The following NEK7 variants were observed in gnomAD, a reference collection of about 807,000 sequenced individuals.
NEK7 encodes NIMA related kinase 7, also known as serine/threonine-protein kinase Nek7.
A neutral mutation model predicts 44.6 loss-of-function variants in NEK7; 18 were observed. That is an observed-to-expected ratio of 0.40 (90% CI 0.28 to 0.60). The LOEUF is 0.60. Ranked by LOEUF, NEK7 falls within the 20% of genes least tolerant of loss-of-function variation. The probability of loss-of-function intolerance (pLI) is 0.38; values close to 1 mark genes in which losing one functional copy is unlikely to be tolerated. For missense variants in NEK7, 256 were observed against 366.5 expected (o/e 0.70, Z 2.46); for synonymous variants, 130 against 121.1 (o/e 1.07, Z -0.48).
chr1:198,220,207 G>A (rs577377736), intron 1 of NEK7, among the ~76,000 whole-genome samples: 3 of 151,986 alleles, frequency 2.0e-5, no homozygotes, highest in Admixed American at 6.5e-5. Context: ...AAATGTGGCC[G>A]ATGGGAACCC....
intron 1 of NEK7, among the ~76,000 whole-genome samples, chr1:198,157,601 C>G (rs908977428): frequency 6.6e-6 from 1 of 152,258 alleles, no homozygotes; most frequent in Non-Finnish European, 1.5e-5. Context: ...GGTTTCGGGA[C>G]CCGAGGAACT....
intron 4 of NEK7, 122 bp from the exon 5 acceptor site, chr1:198,264,003 G>C (rs575353950): frequency 4.1e-6 from 4 of 978,712 alleles, no homozygotes; most frequent in Admixed American, 7.8e-5. Flanking sequence ...AAAGTATACT[G>C]TCATGTTAAG....
rs540464907 is a variant in NEK7 at position 198,320,181 on chromosome 1, G to T, written c.*659G>T. The T allele has an allele frequency of 1.1e-4, 16 of 152,136 alleles. No homozygotes were observed. Among genetic ancestry groups the T allele is most frequent in the Admixed American group, 7.2e-4 (11 of 15,270 alleles). The allele number at this position is 152,136 out of a possible 1,614,324, so 9.4% of individuals were successfully genotyped here. A position where few individuals can be genotyped will look rare whatever the true frequency, so the allele number is the denominator to read the frequency against. ...TTTTTTGTTTTGTTTTAATATTTTT[G>T]ATATTCTCTTTGCATTGAAATGGTA... On this transcript the variant is annotated 3_prime_UTR_variant, in exon 10 of 10. Transcript: ENST00000367385.
chr1:198,200,713 G>A (rs1665405172), intron 1 of NEK7, among the ~76,000 whole-genome samples: 1 of 151,936 alleles, frequency 6.6e-6, no homozygotes, highest in Admixed American at 6.6e-5. Flanking sequence ...ACCAAACCTG[G>A]CTAATTTTTG....
chr1:198,161,732 T>G (rs1387791644), intron 1 of NEK7, among the ~76,000 whole-genome samples: 1 of 152,114 alleles, frequency 6.6e-6, no homozygotes, highest in Non-Finnish European at 1.5e-5. Context: ...CCCACTCCTA[T>G]CCTGTGACAT....
intron 1 of NEK7, among the ~76,000 whole-genome samples, chr1:198,170,612 T>A (rs1385968150): frequency 6.6e-6 from 1 of 152,202 alleles, no homozygotes; most frequent in African/African-American, 2.4e-5. Flanking sequence ...GATCCCCTCA[T>A]GGAGAAAATG....
chr1:198,215,709 GA>G (rs1361861542), intron 1 of NEK7, among the ~76,000 whole-genome samples: 1 of 151,820 alleles, frequency 6.6e-6, no homozygotes, highest in African/African-American at 2.4e-5. Flanking sequence ...TAAAGGAGTG[GA>G]AAAAGATATT....
intron 1 of NEK7, among the ~76,000 whole-genome samples, chr1:198,218,047 A>G (rs1665975655): frequency 6.6e-6 from 1 of 151,860 alleles, no homozygotes; most frequent in Admixed American, 6.6e-5. Context: ...TACCAATATC[A>G]TTTTCACAGA....
intron 1 of NEK7, among the ~76,000 whole-genome samples, chr1:198,221,429 AT>A (rs959658255): frequency 2.6e-5 from 4 of 151,526 alleles, no homozygotes; most frequent in African/African-American, 4.8e-5. Flanking sequence ...AATATAATTA[AT>A]TTTTTTTCTG....
intron 1 of NEK7, among the ~76,000 whole-genome samples, chr1:198,172,739 T>C (rs1201199436): frequency 6.6e-6 from 1 of 152,186 alleles, no homozygotes; most frequent in Non-Finnish European, 1.5e-5. Flanking sequence ...GCCTTAGTTA[T>C]ATATAAAGTT....
At chr1:198,312,709 T>C (rs1300485646) in intron 9 of NEK7, among the ~76,000 whole-genome samples, 1 of 151,598 alleles carries the variant, frequency 6.6e-6, no homozygotes, top group Admixed American at 6.6e-5. Context: ...CAGTAGTCAT[T>C]CAGGAGCAGG....
At chr1:198,230,152 A>G (rs1347476886) in intron 1 of NEK7, among the ~76,000 whole-genome samples, 2 of 152,152 alleles carry the variant, frequency 1.3e-5, no homozygotes, top group African/African-American at 2.4e-5. Flanking sequence ...GGGGTCTTTG[A>G]CCAGGAAACT....
chr1:198,179,728 A>G (rs1432979871), intron 1 of NEK7, among the ~76,000 whole-genome samples: 1 of 152,152 alleles, frequency 6.6e-6, no homozygotes, highest in Non-Finnish European at 1.5e-5. Context: ...TACAGAGTTT[A>G]AGAAAATTTT....
intron 1 of NEK7, among the ~76,000 whole-genome samples, chr1:198,219,607 A>G (rs1666029175): frequency 6.6e-6 from 1 of 151,872 alleles, no homozygotes; most frequent in Admixed American, 6.6e-5. Flanking sequence ...TGGGTACAGT[A>G]TATACTATTC....
intron 1 of NEK7, among the ~76,000 whole-genome samples, chr1:198,171,667 A>G (rs1177549019): frequency 6.6e-6 from 1 of 151,206 alleles, no homozygotes; most frequent in Non-Finnish European, 1.5e-5. Flanking sequence ...CGACAGAGCA[A>G]GACTCCGTCT....
chr1:198,278,140 AAGTCAGTACAT>A (rs1314031854), intron 6 of NEK7, 71 bp downstream of exon 6: 2 of 807,834 alleles, frequency 2.5e-6, no homozygotes, highest in African/African-American at 3.4e-5. Context: ...AAATGTCTTC[AAGTCAGTACAT>A]AATACCATAC....
At chr1:198,214,934 C>G (rs186643771) in intron 1 of NEK7, among the ~76,000 whole-genome samples, 1 of 152,232 alleles carries the variant, frequency 6.6e-6, no homozygotes, top group East Asian at 1.9e-4. Flanking sequence ...AAGACAAAAG[C>G]ATCAGGTAAC....
intron 3 of NEK7, chr1:198,256,510 A>C (rs1293260813): frequency 1.3e-6 from 2 of 1,544,486 alleles, no homozygotes; most frequent in African/African-American, 2.8e-5. Flanking sequence ...TAACTAATAA[A>C]ACAATTTTGA....
chr1:198,245,760 C>T (rs1238896239), intron 2 of NEK7, among the ~76,000 whole-genome samples: 1 of 152,040 alleles, frequency 6.6e-6, no homozygotes, highest in Non-Finnish European at 1.5e-5. Context: ...AAGTGACTCA[C>T]CTCAAATCTA....
Sources: gnomAD v4.1 joint callset for allele counts (sites outside exome capture counted in the v4.1 genomes callset) on GRCh38, gnomAD v4.1.1 for gene constraint, MANE v1.5 for transcripts, NCBI Gene and HGNC (gene_info 2026-07-23, HGNC 2026-07-21) for gene names.